The following AKAP9 variants were observed in gnomAD, a reference collection of about 807,000 sequenced individuals.
AKAP9 encodes A-kinase anchoring protein 9.
Under a neutral mutation model 488.5 loss-of-function variants are expected in AKAP9, and 311 were observed. The observed-to-expected ratio is 0.64, with a 90% CI of 0.58 to 0.70. The LOEUF (loss-of-function observed/expected upper bound fraction) is 0.70, where lower values mean the gene tolerates loss of function less well. Ranked by LOEUF, AKAP9 falls within the 30% of genes least tolerant of loss-of-function variation. AKAP9 has a pLI of 0.00. For missense variants in AKAP9, 4,215 were observed against 4,374.5 expected, an observed-to-expected ratio of 0.96 and a Z score of 1.03; for synonymous variants, 1,462 against 1,483.5, an observed-to-expected ratio of 0.99 and a Z score of 0.33.
At chr7:92,066,650 T>G (rs917030937) in intron 26 of AKAP9, 104 bp downstream of exon 26, 2 of 1,403,668 alleles carry the variant, frequency 1.4e-6, no homozygotes, top group Non-Finnish European at 2.0e-6. Flanking sequence ...CCTTTGTATG[T>G]AAATCTTCAA....
chr7:92,098,715 C>T (rs1817056968), intron 43 of AKAP9, among the ~76,000 whole-genome samples: 1 of 152,182 alleles, frequency 6.6e-6, no homozygotes, highest in South Asian at 2.1e-4. Context: ...CTACCCTCTT[C>T]CTTCTTTTCT....
intron 15 of AKAP9, 30 bp downstream of exon 15, chr7:92,030,021 CTG>C: frequency 7.2e-7 from 1 of 1,384,294 alleles, no homozygotes; most frequent in South Asian, 1.2e-5. Context: ...TATCTTTTAA[CTG>C]TTATATACAC....
rs1268083195 is a variant in AKAP9, at chr7:92,077,853, T to G, written c.6923T>G (p.Leu2308Arg). The change falls in exon 30 of 50, where the codon CTT becomes CGT. Residue 2308 changes from leucine to arginine, a missense_variant. Physicochemically the swap from Leu to Arg is moderately radical, Grantham distance 102. Transcript: ENST00000356239. Reference protein sequence around the residue: ...NEQVTKLQQQLKITTDNKVIE... With the variant: ...NEQVTKLQQQRKITTDNKVIE... ...CAAGTTACGAAACTCCAGCAGCAAC[T>G]TAAAATTACAACAGATAACAAGGTA... 2 of 1,613,086 alleles carry G rather than the reference T, an allele frequency of 1.2e-6. No individual in the cohort carries two copies. The highest frequency in any genetic ancestry group is 1.7e-5 in the Admixed American group (1 of 60,022).
intron 17 of AKAP9, 27 bp from the exon 18 acceptor site, chr7:92,040,647 T>G: frequency 8.2e-6 from 2 of 244,536 alleles, no homozygotes; most frequent in Non-Finnish European, 1.1e-5. Flanking sequence ...GGTTGAATTG[T>G]TTTTTTTTTT....
At chr7:91,985,424 TTG>T (rs1796946847) in intron 3 of AKAP9, among the ~76,000 whole-genome samples, 1 of 152,170 alleles carries the variant, frequency 6.6e-6, no homozygotes, top group African/African-American at 2.4e-5. Flanking sequence ...GTTTATTGAT[TTG>T]TGTGTTTTGA....
At chr7:92,103,117 G>A (rs1036063931) in intron 46 of AKAP9, among the ~76,000 whole-genome samples, 10 of 152,106 alleles carry the variant, frequency 6.6e-5, no homozygotes, top group Admixed American at 5.2e-4. Context: ...TGGGCCAGGC[G>A]TGGTGCCTCA....
chr7:91,988,198 G>A lies in AKAP9; in HGVS notation c.352-3960G>A, dbSNP rs11773268. Among the ~76,000 whole-genome samples, 316 of 143,110 alleles carry A rather than the reference G, an allele frequency of 2.2e-3. 2 individuals are homozygous for A. The highest frequency in any genetic ancestry group is 1.8e-3 in the Non-Finnish European group (123 of 66,594). 93.9% of individuals were successfully genotyped at this position (143,110 alleles called of 152,430 possible). On this transcript the variant is annotated intron_variant, in intron 3 of 49. Transcript: ENST00000356239. ...AAGAAACAGTATCATCACAAGATAT[G>A]TCATACTGTAAGAATAAGTATCTTT...
At chr7:91,966,506 G>A (rs1384147676) in intron 1 of AKAP9, among the ~76,000 whole-genome samples, 1 of 152,210 alleles carries the variant, frequency 6.6e-6, no homozygotes, top group African/African-American at 2.4e-5. Flanking sequence ...CTGAGGAAAG[G>A]AATGTGTATT....
At chr7:91,984,829 C>T (rs890290514) in intron 3 of AKAP9, among the ~76,000 whole-genome samples, 3 of 152,056 alleles carry the variant, frequency 2.0e-5, no homozygotes, top group African/African-American at 4.8e-5. Context: ...TGTAGTTCTC[C>T]TTGAAGAGGT....
rs1165990371 is a variant in AKAP9 at position 92,100,969 on chromosome 7, G to C, written c.11010G>C (p.Glu3670Asp). 1.2e-6 allele frequency: 2 copies of C among 1,614,118 alleles called. No homozygotes were observed. The highest frequency in any genetic ancestry group is 1.7e-6 in the Non-Finnish European group (2 of 1,180,022). The change falls in exon 45 of 50, where the codon GAG becomes GAC. Residue 3670 changes from glutamate (E) to aspartate (D), a missense_variant. Coordinates refer to ENST00000356239, the MANE Select transcript of AKAP9 (RefSeq NM_005751.5). Reference protein sequence around the residue: ...LTLQKSLKRAEAEVYKLKAEL... With the variant: ...LTLQKSLKRADAEVYKLKAEL... ...TCCAGAAATCTTTGAAAAGGGCAGA[G>C]GCTGAAGTATACAAACTGAAAGCTG...
At chr7:92,063,396 G>A in intron 24 of AKAP9, 2 of 899,370 alleles carry the variant, frequency 2.2e-6, no homozygotes, top group Non-Finnish European at 2.7e-6. Context: ...CCCATTTTAG[G>A]AAGTAGAAGA....
At chr7:92,043,444 CTAAT>C (rs1806449033) in intron 20 of AKAP9, 1 of 638,120 alleles carries the variant, frequency 1.6e-6, no homozygotes, top group Non-Finnish European at 1.9e-6. Flanking sequence ...TTATTTATCT[CTAAT>C]TGGTAAATTT....
chr7:91,967,395 A>G (rs1794547997), intron 1 of AKAP9, among the ~76,000 whole-genome samples: 2 of 152,212 alleles, frequency 1.3e-5, no homozygotes, highest in Admixed American at 1.3e-4. Context: ...ACTTAGAGGA[A>G]AGGCTTTTAA....
intron 26 of AKAP9, among the ~76,000 whole-genome samples, chr7:92,067,739 GA>G (rs1810995147): frequency 1.3e-5 from 2 of 152,158 alleles, no homozygotes; most frequent in South Asian, 4.1e-4. Context: ...TGGTGATAAA[GA>G]CATTGTGCTT....
chr7:92,040,653 T>TG, intron 17 of AKAP9, 21 bp from the exon 18 acceptor site: 2 of 1,467,576 alleles, frequency 1.4e-6, no homozygotes, highest in East Asian at 2.5e-5. Flanking sequence ...ATTGTTTTTT[T>TG]TTTTTTTTTT....
At chr7:92,054,221 A>T (rs1808411128) in intron 22 of AKAP9, among the ~76,000 whole-genome samples, 1 of 152,134 alleles carries the variant, frequency 6.6e-6, no homozygotes. Flanking sequence ...CTTGAACCTG[A>T]TGAATATTTT....
At chr7:92,067,642 A>G (rs1267027077) in intron 26 of AKAP9, among the ~76,000 whole-genome samples, 1 of 152,212 alleles carries the variant, frequency 6.6e-6, no homozygotes, top group East Asian at 1.9e-4. Context: ...TCCTCATAGA[A>G]ACATAGTCAA....
chr7:92,052,588 T>G, intron 21 of AKAP9, 138 bp from the exon 22 acceptor site: 2 of 600,590 alleles, frequency 3.3e-6, no homozygotes, highest in Non-Finnish European at 5.7e-6. Flanking sequence ...TTTGCATATT[T>G]TATTTGTTTG....
chr7:92,102,915 T>C lies in AKAP9; in HGVS notation c.11330+89T>C, dbSNP rs534116762. 14 of 1,174,072 alleles carry C rather than the reference T, an allele frequency of 1.2e-5. No individual in the cohort carries two copies. The African/African-American group carries it at 2.0e-4, about 17-fold the overall frequency. The allele number at this position is 1,174,072 out of a possible 1,614,324, so 72.7% of individuals were successfully genotyped here. A position where few individuals can be genotyped will look rare whatever the true frequency, so the allele number is the denominator to read the frequency against. On this transcript the variant is annotated intron_variant, in intron 46 of 49. Transcript: ENST00000356239. ...TTCTCCCTCTATTCTCTGCTGGTTA[T>C]ACTCTATATTTATATAGTAGGAGGT... is the stretch of plus-strand genomic sequence containing the variant.
Sources: allele counts gnomAD v4.1 joint callset (sites outside exome capture counted in the v4.1 genomes callset), GRCh38; gene constraint gnomAD v4.1.1; transcripts MANE v1.5; gene names NCBI Gene and HGNC (gene_info 2026-07-23, HGNC 2026-07-21).